PRKG1: variants seen among roughly 807,000 people sequenced by gnomAD.
The protein encoded by PRKG1 is cGMP-dependent protein kinase 1.
Under a neutral mutation model 88.1 loss-of-function variants are expected in PRKG1, and 35 were observed. That is an observed-to-expected ratio of 0.40 (90% CI 0.30 to 0.53). PRKG1 has a LOEUF of 0.53. PRKG1 is among the 20% of genes least tolerant of loss of function. PRKG1 has a pLI of 0.59. For synonymous variants in PRKG1, 303 were observed against 292.5 expected, an observed-to-expected ratio of 1.04 and a Z score of -0.37; for missense variants, 540 against 839.8, an observed-to-expected ratio of 0.64 and a Z score of 4.41.
chr10:51,369,023 T>C (rs560537497), intron 2 of PRKG1, among the ~76,000 whole-genome samples: 5 of 152,222 alleles, frequency 3.3e-5, no homozygotes, highest in East Asian at 1.9e-4. Context: ...AGAAATGAGA[T>C]AGTCTCTATG....
intron 9 of PRKG1, among the ~76,000 whole-genome samples, chr10:52,241,627 C>T (rs1840864582): frequency 6.6e-6 from 1 of 152,124 alleles, no homozygotes. Flanking sequence ...CAAAATTCAT[C>T]AGAGATTTCC....
chr10:51,988,513 A>T (rs765729624), intron 5 of PRKG1, among the ~76,000 whole-genome samples: 1 of 152,060 alleles, frequency 6.6e-6, no homozygotes. Context: ...CAATTTTTCC[A>T]CATTATCACC....
rs1411721638 is a variant in PRKG1, at chr10:50,991,758, G to A, written c.266+114G>A. The stretch of plus-strand genomic sequence containing the variant: ...GCCCAGGGCGCCCCCTGCTCGCTGC[G>A]GCGCGCGGAGTGGGGGTGGCCCCGC... On this transcript the variant is annotated intron_variant, in intron 1 of 17. Transcript: ENST00000401604. The surrounding 1 kb of genome is among the most constrained non-coding windows in gnomAD (Gnocchi z 4.5). The A allele has an allele frequency of 2.4e-5, 20 of 819,100 alleles. No individual in the cohort carries two copies. The highest frequency in any genetic ancestry group is 6.0e-5 in the Admixed American group (1 of 16,754). The allele number at this position is 819,100 out of a possible 1,614,324, so 50.7% of individuals were successfully genotyped here.
intron 3 of PRKG1, among the ~76,000 whole-genome samples, chr10:51,717,346 G>A (rs185452741): frequency 6.6e-6 from 1 of 152,228 alleles, no homozygotes; most frequent in East Asian, 1.9e-4. Flanking sequence ...GCAACTGATT[G>A]GGAGACCAAA....
intron 3 of PRKG1, among the ~76,000 whole-genome samples, chr10:51,741,067 C>T (rs1293571982): frequency 1.3e-5 from 2 of 151,500 alleles, no homozygotes; most frequent in Admixed American, 6.6e-5. Flanking sequence ...GTTTCTGAAT[C>T]GAGGTGATTT....
chr10:51,307,761 C>T (rs938579242), intron 2 of PRKG1, among the ~76,000 whole-genome samples: 1 of 151,918 alleles, frequency 6.6e-6, no homozygotes, highest in African/African-American at 2.4e-5. Context: ...TATATTTGTC[C>T]ATCTTTTATA....
chr10:51,276,712 C>A (rs1330158218), intron 2 of PRKG1, among the ~76,000 whole-genome samples: 2 of 152,138 alleles, frequency 1.3e-5, no homozygotes, highest in African/African-American at 4.8e-5. Context: ...TCTCTGATGA[C>A]CAGTGATGAT....
At chr10:51,426,870 A>T (rs930141389) in intron 2 of PRKG1, among the ~76,000 whole-genome samples, 8 of 152,178 alleles carry the variant, frequency 5.3e-5, no homozygotes, top group Non-Finnish European at 7.3e-5. Flanking sequence ...GGGAGTAAAG[A>T]GGGCAAGCAG....
intron 4 of PRKG1, among the ~76,000 whole-genome samples, chr10:51,806,117 CT>C (rs1403759308): frequency 6.6e-6 from 1 of 152,036 alleles, no homozygotes; most frequent in Non-Finnish European, 1.5e-5. Context: ...CACTTTAAGC[CT>C]TAACTTACAG....
chr10:51,404,585 C>G (rs1181537153), intron 2 of PRKG1, among the ~76,000 whole-genome samples: 1 of 152,182 alleles, frequency 6.6e-6, no homozygotes, highest in Non-Finnish European at 1.5e-5. Flanking sequence ...ATCAAACATA[C>G]TTGCTTGGGT....
At chr10:52,094,425 T>A (rs1193019396) in intron 7 of PRKG1, among the ~76,000 whole-genome samples, 1 of 152,190 alleles carries the variant, frequency 6.6e-6, no homozygotes, top group African/African-American at 2.4e-5. Flanking sequence ...ATGCTCTCTC[T>A]CTCTCTCTTT....
intron 3 of PRKG1, among the ~76,000 whole-genome samples, chr10:51,542,132 G>C (rs1564541927): frequency 6.6e-6 from 1 of 151,928 alleles, no homozygotes; most frequent in Non-Finnish European, 1.5e-5. Context: ...AGAGAATCAT[G>C]TTTCCATATA....
intron 1 of PRKG1, among the ~76,000 whole-genome samples, chr10:51,015,766 A>G (rs1206552395): frequency 6.6e-6 from 1 of 152,212 alleles, no homozygotes; most frequent in East Asian, 1.9e-4. Flanking sequence ...GGGCATCTAT[A>G]ATCCCAGCTA....
chr10:51,229,233 A>G (rs1368959483), intron 2 of PRKG1, among the ~76,000 whole-genome samples: 1 of 152,192 alleles, frequency 6.6e-6, no homozygotes. Flanking sequence ...TCCATGGTAA[A>G]GCACCATACC....
intron 2 of PRKG1, among the ~76,000 whole-genome samples, chr10:51,412,207 G>GAGAGAGAA (rs763576481): frequency 6.2e-4 from 79 of 127,196 alleles, no homozygotes; most frequent in Non-Finnish European, 2.8e-4. Context: ...GAGAGAGAGA[G>GAGAGAGAA]AGAGAGAAAG....
intron 1 of PRKG1, among the ~76,000 whole-genome samples, chr10:51,042,673 C>T (rs1037489782): frequency 2.0e-5 from 3 of 152,160 alleles, no homozygotes. Context: ...TGCCAGCCTG[C>T]CTTGCCACCA....
chr10:51,719,924 T>G (rs10823457), intron 3 of PRKG1, among the ~76,000 whole-genome samples: 67,191 of 151,912 alleles, frequency 0.44, 15,472 homozygotes, highest in Middle Eastern at 0.57. Context: ...CTAGGTCTAC[T>G]GGAGTGGTCC....
intron 5 of PRKG1, among the ~76,000 whole-genome samples, chr10:51,944,342 T>A (rs944173338): frequency 6.6e-6 from 1 of 152,108 alleles, no homozygotes. Context: ...GATTCTTTTC[T>A]CTTTTCTTCT....
chr10:51,148,263 G>A, intron 1 of PRKG1: 1 of 985,288 alleles, frequency 1.0e-6, no homozygotes, highest in Non-Finnish European at 1.2e-6. Context: ...TGTAGGCCAA[G>A]GTGACTGTGA....
Sources: allele counts gnomAD v4.1 joint callset (sites outside exome capture counted in the v4.1 genomes callset), GRCh38; gene constraint gnomAD v4.1.1; non-coding constraint Gnocchi (gnomAD v3.1); transcripts MANE v1.5; gene names NCBI Gene and HGNC (gene_info 2026-07-23, HGNC 2026-07-21).